SORCS3: variants seen among roughly 807,000 people sequenced by gnomAD.
SORCS3 encodes the protein VPS10 domain-containing receptor SorCS3.
SORCS3 carries 57 observed loss-of-function variants against 146.3 expected under a neutral mutation model. That is an observed-to-expected ratio of 0.39 (90% confidence interval 0.31 to 0.49). SORCS3 has a LOEUF of 0.49. Among genes scored for constraint, SORCS3 ranks in the 20% least tolerant of loss-of-function variants. The pLI is 0.92. For missense variants in SORCS3, 1,341 were observed against 1,575.5 expected (o/e 0.85, Z 2.52); for synonymous variants, 653 against 618.5 (o/e 1.06, Z -0.83).
intron 1 of SORCS3, among the ~76,000 whole-genome samples, chr10:104,713,036 A>C (rs2016436609): frequency 6.6e-6 from 1 of 152,170 alleles, no homozygotes; most frequent in Non-Finnish European, 1.5e-5. Context: ...TTTATTTTCA[A>C]GATGTGCATT....
chr10:105,039,432 G>A (rs2055325138), intron 4 of SORCS3, among the ~76,000 whole-genome samples: 1 of 150,494 alleles, frequency 6.6e-6, no homozygotes, highest in South Asian at 2.1e-4. Context: ...GAGGAGATCA[G>A]CAGTGGCTCT....
chr10:104,771,380 G>C (rs2017247999), intron 1 of SORCS3, among the ~76,000 whole-genome samples: 2 of 152,208 alleles, frequency 1.3e-5, no homozygotes, highest in Admixed American at 1.3e-4. Flanking sequence ...GCCCCTGTGT[G>C]CAAGAGTAGA....
At chr10:104,780,137 G>GTTT (rs72352792) in intron 1 of SORCS3, among the ~76,000 whole-genome samples, 7 of 145,412 alleles carry the variant, frequency 4.8e-5, no homozygotes, top group Admixed American at 1.4e-4. Context: ...AGAGGAGGCA[G>GTTT]TTTTTTTTTT....
chr10:104,991,793 C>T (rs2054996207), intron 4 of SORCS3, among the ~76,000 whole-genome samples: 1 of 152,174 alleles, frequency 6.6e-6, no homozygotes, highest in Admixed American at 6.5e-5. Context: ...GCCACTGCAC[C>T]TGGCCGATTT....
chr10:104,963,288 T>C (rs1326151383), intron 3 of SORCS3, among the ~76,000 whole-genome samples: 3 of 152,190 alleles, frequency 2.0e-5, no homozygotes, highest in African/African-American at 7.2e-5. Flanking sequence ...TGCATCAACA[T>C]TGACAGTCTG....
At position 105,263,749 on chromosome 10, in the gene SORCS3, T is replaced by TC; in HGVS notation, c.*380dup. On this transcript the variant is annotated 3_prime_UTR_variant, in exon 27 of 27. Transcript: ENST00000369701. ...AGCAGAATCACCAACACTCTCCGCTTCCCCCAGCACACACACATACAACAC... is the reference window on the plus strand; with the variant it reads ...AGCAGAATCACCAACACTCTCCGCTTCCCCCCAGCACACACACATACAACAC... The TC allele has an allele frequency of 4.4e-6, 1 of 224,882 alleles. No homozygotes were observed. The allele number at this position is 224,882 out of a possible 1,614,324, so 13.9% of individuals were successfully genotyped here.
chr10:104,751,969 A>ATATATATATATATATAT (rs3976798), intron 1 of SORCS3, among the ~76,000 whole-genome samples: 4 of 123,354 alleles, frequency 3.2e-5, no homozygotes, highest in Admixed American at 8.4e-5. Flanking sequence ...ATATATATAT[A>ATATATATATATATATAT]ATAGTTTAGC....
intron 3 of SORCS3, among the ~76,000 whole-genome samples, chr10:104,925,331 A>G (rs1056975573): frequency 6.6e-6 from 1 of 152,252 alleles, no homozygotes; most frequent in Non-Finnish European, 1.5e-5. Flanking sequence ...GGGAATTAAC[A>G]TAGGCATGTT....
intron 5 of SORCS3, among the ~76,000 whole-genome samples, chr10:105,047,030 GT>G (rs143654389): frequency 2.0e-5 from 3 of 151,586 alleles, no homozygotes; most frequent in African/African-American, 7.3e-5. Context: ...AAGCTTTTCT[GT>G]TTTTTTTAAT....
intron 2 of SORCS3, among the ~76,000 whole-genome samples, chr10:104,884,997 G>C (rs1366573116): frequency 2.6e-5 from 4 of 152,156 alleles, no homozygotes; most frequent in Non-Finnish European, 5.9e-5. Flanking sequence ...ATGGTAGGAG[G>C]TCAGGAGAGT....
At chr10:105,051,028 C>T (rs2055407328) in intron 5 of SORCS3, among the ~76,000 whole-genome samples, 1 of 152,126 alleles carries the variant, frequency 6.6e-6, no homozygotes, top group South Asian at 2.1e-4. Context: ...AACCTCAGAG[C>T]CCTATCCTCA....
chr10:104,743,382 A>T (rs981393749), intron 1 of SORCS3, among the ~76,000 whole-genome samples: 2 of 152,202 alleles, frequency 1.3e-5, no homozygotes, highest in African/African-American at 4.8e-5. Flanking sequence ...TTCAGGAAAC[A>T]TTTATTAAGC....
intron 2 of SORCS3, among the ~76,000 whole-genome samples, chr10:104,843,952 G>T (rs1210714057): frequency 6.6e-6 from 1 of 152,214 alleles, no homozygotes; most frequent in Non-Finnish European, 1.5e-5. Context: ...GTCCTGACCT[G>T]AGGGTTTCCT....
chr10:104,791,638 C>A (rs1439382312), intron 1 of SORCS3, among the ~76,000 whole-genome samples: 1 of 152,200 alleles, frequency 6.6e-6, no homozygotes, highest in Non-Finnish European at 1.5e-5. Context: ...TCAGGCTCTG[C>A]AGGGACTAAG....
chr10:104,799,858 A>G (rs1379452195), intron 1 of SORCS3, among the ~76,000 whole-genome samples: 1 of 151,898 alleles, frequency 6.6e-6, no homozygotes, highest in African/African-American at 2.4e-5. Flanking sequence ...TTGTATTTTT[A>G]GTAGAGGCGA....
intron 3 of SORCS3, among the ~76,000 whole-genome samples, chr10:104,954,423 A>G (rs902768122): frequency 6.6e-6 from 1 of 152,210 alleles, no homozygotes; most frequent in Admixed American, 6.5e-5. Context: ...AGATACTTTT[A>G]TAACACATGC....
At chr10:105,189,251 A>C (rs1166243438) in intron 14 of SORCS3, among the ~76,000 whole-genome samples, 1 of 152,180 alleles carries the variant, frequency 6.6e-6, no homozygotes, top group Non-Finnish European at 1.5e-5. Context: ...TCACCCACGC[A>C]AGTGGCTCAA....
At chr10:105,241,364 G>A (rs1434781819) in intron 20 of SORCS3, among the ~76,000 whole-genome samples, 3 of 152,192 alleles carry the variant, frequency 2.0e-5, no homozygotes, top group South Asian at 2.1e-4. Context: ...CAGGGGGAGC[G>A]CAGCAGCCCC....
At chr10:104,785,407 A>C (rs1386850694) in intron 1 of SORCS3, among the ~76,000 whole-genome samples, 1 of 140,516 alleles carries the variant, frequency 7.1e-6, no homozygotes, top group East Asian at 2.0e-4. Context: ...AGTCATCACC[A>C]ATCCCTAATC....
Sources: gnomAD v4.1 joint callset for allele counts (sites outside exome capture counted in the v4.1 genomes callset) on GRCh38, gnomAD v4.1.1 for gene constraint, MANE v1.5 for transcripts, NCBI Gene and HGNC (gene_info 2026-07-23, HGNC 2026-07-21) for gene names.